Variants in GDPD5 observed in about 807,000 individuals in gnomAD.
GDPD5 encodes the protein glycerophosphodiester phosphodiesterase 2.
A neutral mutation model predicts 75.1 loss-of-function variants in GDPD5; 48 were observed. The ratio of observed to expected loss-of-function variants is 0.64; its 90% CI spans 0.51 to 0.81. The LOEUF (loss-of-function observed/expected upper bound fraction) is 0.81, where lower values mean the gene tolerates loss of function less well. Among genes scored for constraint, GDPD5 ranks in the 40% least tolerant of loss-of-function variants. GDPD5 has a pLI of 0.00. For synonymous variants in GDPD5, 336 were observed against 339.0 expected, an observed-to-expected ratio of 0.99 and a Z score of 0.10; for missense variants, 706 against 822.6, an observed-to-expected ratio of 0.86 and a Z score of 1.73.
chr11:75,447,945 G>T (rs1949030803), intron 9 of GDPD5, among the ~76,000 whole-genome samples: 1 of 152,214 alleles, frequency 6.6e-6, no homozygotes, highest in Non-Finnish European at 1.5e-5. Context: ...AGGGACTGGG[G>T]TCAGCACTGG....
At chr11:75,508,555 C>CT (rs1223249503) in intron 1 of GDPD5, among the ~76,000 whole-genome samples, 1 of 152,196 alleles carries the variant, frequency 6.6e-6, no homozygotes, top group Non-Finnish European at 1.5e-5. Flanking sequence ...CCTGCTTGGT[C>CT]TTTTTAAGAC....
At chr11:75,442,816 C>T in intron 11 of GDPD5, 5 of 603,732 alleles carry the variant, frequency 8.3e-6, no homozygotes. Flanking sequence ...CTCCCAGACC[C>T]ACAGCATTTC....
intron 16 of GDPD5, 102 bp downstream of exon 16, chr11:75,436,834 A>G: frequency 2.4e-6 from 2 of 831,782 alleles, no homozygotes; most frequent in African/African-American, 1.7e-5. Context: ...CCCTACCCAT[A>G]TGTGCCACAT....
At chr11:75,457,480 C>T (rs1018210245) in intron 5 of GDPD5, among the ~76,000 whole-genome samples, 4 of 152,318 alleles carry the variant, frequency 2.6e-5, no homozygotes, top group Middle Eastern at 3.4e-3. Context: ...TCTGATTAGT[C>T]GCTATTATAA....
chr11:75,455,991 A>G (rs1949277077), intron 6 of GDPD5, among the ~76,000 whole-genome samples: 1 of 152,200 alleles, frequency 6.6e-6, no homozygotes, highest in South Asian at 2.1e-4. Context: ...ACGAATACTG[A>G]AAACACAAAA....
intron 2 of GDPD5, among the ~76,000 whole-genome samples, chr11:75,481,379 T>C (rs1411767007): frequency 2.0e-5 from 3 of 152,160 alleles, no homozygotes. Flanking sequence ...GAAGATGCAT[T>C]AGGGGCTTGC....
At chr11:75,444,781 T>C (rs1948945151) in intron 9 of GDPD5, among the ~76,000 whole-genome samples, 1 of 152,176 alleles carries the variant, frequency 6.6e-6, no homozygotes, top group African/African-American at 2.4e-5. Flanking sequence ...ACTTGACACA[T>C]GGTAGCTATG....
In GDPD5 at chr11:75,514,846, C is replaced by T. The variant is rs555677221; in HGVS notation, c.-145+10364G>A. On this transcript the variant is annotated intron_variant, in intron 1 of 16. Coordinates refer to ENST00000336898, the MANE Select transcript of GDPD5 (RefSeq NM_030792.8). Reference sequence around the variant, plus strand: ...ACAGAGAAGGGGGGCATGATGAGGGCAACTGTAGCATCTCCTCTGAAATAC... The same window carrying T: ...ACAGAGAAGGGGGGCATGATGAGGGTAACTGTAGCATCTCCTCTGAAATAC... Among the ~76,000 whole-genome samples, 13 of 152,352 alleles carry T rather than the reference C, an allele frequency of 8.5e-5. No homozygotes were observed. In the South Asian group the frequency reaches 2.7e-3, roughly 32 times the overall value.
chr11:75,499,607 C>A (rs1288400567), intron 1 of GDPD5, among the ~76,000 whole-genome samples: 1 of 152,104 alleles, frequency 6.6e-6, no homozygotes, highest in Non-Finnish European at 1.5e-5. Context: ...GACCGCCACT[C>A]CAAGTGGCCA....
chr11:75,444,713 G>A (rs1287255553), intron 9 of GDPD5, among the ~76,000 whole-genome samples: 1 of 152,152 alleles, frequency 6.6e-6, no homozygotes, highest in African/African-American at 2.4e-5. Context: ...TTTACTGGGG[G>A]CGGGGGAGGC....
At chr11:75,510,147 G>T (rs370346834) in intron 1 of GDPD5, among the ~76,000 whole-genome samples, 6 of 152,352 alleles carry the variant, frequency 3.9e-5, no homozygotes, top group Non-Finnish European at 8.8e-5. Flanking sequence ...CCCTGGCAGC[G>T]GGAGGGCTGT....
chr11:75,455,946 C>T (rs1030099674), intron 6 of GDPD5, among the ~76,000 whole-genome samples: 1 of 152,186 alleles, frequency 6.6e-6, no homozygotes, highest in Non-Finnish European at 1.5e-5. Flanking sequence ...CTGCAAAGAG[C>T]ACCTTGACTG....
At chr11:75,488,548 C>A (rs372395037) in intron 2 of GDPD5, among the ~76,000 whole-genome samples, 74 of 152,228 alleles carry the variant, frequency 4.9e-4, no homozygotes, top group African/African-American at 1.7e-3. Context: ...CCTCCTTGTA[C>A]CACTGTGCTC....
At chr11:75,524,869 CTCTA>C (rs1469866593) in intron 1 of GDPD5, among the ~76,000 whole-genome samples, 1 of 152,216 alleles carries the variant, frequency 6.6e-6, no homozygotes, top group Non-Finnish European at 1.5e-5. Context: ...CCTCTTCCCC[CTCTA>C]TCCTCTCCCG....
intron 1 of GDPD5, among the ~76,000 whole-genome samples, chr11:75,512,445 A>C (rs1950543456): frequency 6.6e-6 from 1 of 152,182 alleles, no homozygotes; most frequent in South Asian, 2.1e-4. Flanking sequence ...GCCCAGGGTC[A>C]TCTGGCACAG....
rs1337280986 is a variant in GDPD5 at position 75,497,222 on chromosome 11, C to G, written c.-144-6902G>C. On this transcript the variant is annotated intron_variant, in intron 1 of 16. Coordinates refer to ENST00000336898, the MANE Select transcript of GDPD5 (RefSeq NM_030792.8). ...CATTTCCTGAGCTCTCCTGTGTGCC[C>G]AGCAGACAGACGCAGCCCCTGCTGG... Among the ~76,000 whole-genome samples the G allele has an allele frequency of 3.9e-5, 6 of 152,252 alleles. No individual in the cohort carries two copies. In the South Asian group the frequency reaches 1.2e-3, roughly 32 times the overall value.
intron 6 of GDPD5, among the ~76,000 whole-genome samples, chr11:75,454,577 C>T (rs1415603649): frequency 2.6e-5 from 4 of 152,190 alleles, no homozygotes; most frequent in Non-Finnish European, 4.4e-5. Flanking sequence ...ACTGGCTAGA[C>T]GCCTAGGGAA....
At chr11:75,471,415 G>A (rs1949662237) in intron 3 of GDPD5, among the ~76,000 whole-genome samples, 1 of 152,200 alleles carries the variant, frequency 6.6e-6, no homozygotes, top group South Asian at 2.1e-4. Context: ...AGAGAGCTGG[G>A]CAATCAGGCC....
chr11:75,506,819 T>G (rs907623822), intron 1 of GDPD5: 1 of 152,070 alleles, frequency 6.6e-6, no homozygotes, highest in Non-Finnish European at 1.5e-5. Context: ...CTTCCAAGAT[T>G]TGGGAACTGA....
Sources: allele counts gnomAD v4.1 joint callset (sites outside exome capture counted in the v4.1 genomes callset), GRCh38; gene constraint gnomAD v4.1.1; transcripts MANE v1.5; gene names NCBI Gene and HGNC (gene_info 2026-07-23, HGNC 2026-07-21).